TTC34: variants seen among roughly 807,000 people sequenced by gnomAD.
TTC34 encodes the protein tetratricopeptide repeat domain 34, also known as tetratricopeptide repeat protein 34.
Under a neutral mutation model 40.7 loss-of-function variants are expected in TTC34, and 44 were observed. That is an observed-to-expected ratio of 1.08 (90% CI 0.85 to 1.39). TTC34 has a LOEUF of 1.39. Ranked by LOEUF, TTC34 falls within the 40% of genes most tolerant of loss-of-function variation. The pLI, the probability that TTC34 is intolerant of heterozygous loss-of-function variation, is 0.00. For synonymous variants in TTC34, 422 were observed against 398.6 expected, an observed-to-expected ratio of 1.06 and a Z score of -0.70; for missense variants, 884 against 838.0, an observed-to-expected ratio of 1.05 and a Z score of -0.68.
At chr1:2,758,244 A>G (rs1641571290) in intron 6 of TTC34, among the ~76,000 whole-genome samples, 1 of 141,258 alleles carries the variant, frequency 7.1e-6, no homozygotes, top group Non-Finnish European at 1.5e-5. Context: ...CCCCCAGGCG[A>G]GCATCTGACA....
In TTC34 at chr1:2,637,548, G is replaced by A. The variant is rs942684617; in HGVS notation, c.*3820C>T. ...ACAGTGTTGTTGGGGGAGCTTCACA[G>A]TTAACCAAGCCATCCCCCATGCTGG... On this transcript the variant is annotated 3_prime_UTR_variant, in exon 9 of 9. Transcript: ENST00000401095. 3 of 152,250 alleles carry A rather than the reference G, an allele frequency of 2.0e-5. No homozygotes were observed. In the East Asian group the frequency reaches 5.8e-4, roughly 29 times the overall value. The allele number at this position is 152,250 out of a possible 1,614,324, so 9.4% of individuals were successfully genotyped here. A position where few individuals can be genotyped will look rare whatever the true frequency, so the allele number is the denominator to read the frequency against.
chr1:2,675,214 T>A (rs1297795394), intron 6 of TTC34, among the ~76,000 whole-genome samples: 6 of 128,382 alleles, frequency 4.7e-5, no homozygotes, highest in African/African-American at 1.1e-4. Flanking sequence ...CAGGTGAGCA[T>A]CTGAGAGCCT....
At chr1:2,692,343 CA>C (rs1322527128) in intron 6 of TTC34, among the ~76,000 whole-genome samples, 1 of 71,330 alleles carries the variant, frequency 1.4e-5, no homozygotes. Context: ...AGCGCCCACA[CA>C]CCGAGGTGAG....
exon 5 of TTC34, chr1:2,785,900 G>T: frequency 6.5e-7 from 1 of 1,536,968 alleles, no homozygotes; most frequent in Non-Finnish European, 8.8e-7. Context: ...GGCCGTGCCC[G>T]CAGGATGGCC....
chr1:2,751,045 A>C (rs1312378253), intron 6 of TTC34, among the ~76,000 whole-genome samples: 1 of 90,454 alleles, frequency 1.1e-5, no homozygotes, highest in Non-Finnish European at 2.2e-5. Context: ...CAGAACCCAC[A>C]CCCCCAGGTG....
chr1:2,639,945 G>A (rs1638868035), exon 9 of TTC34: 1 of 152,346 alleles, frequency 6.6e-6, no homozygotes, highest in African/African-American at 2.4e-5. Context: ...GCCGCCTGGG[G>A]GCCCCACTTC....
intron 6 of TTC34, among the ~76,000 whole-genome samples, chr1:2,690,771 G>A (rs368881674): frequency 1.3e-5 from 1 of 74,284 alleles, no homozygotes; most frequent in Non-Finnish European, 3.1e-5. Context: ...GCCTGGAACA[G>A]CAACCACACC....
At chr1:2,652,463 CAG>C (rs1639176704) in intron 6 of TTC34, among the ~76,000 whole-genome samples, 8 of 86,820 alleles carry the variant, frequency 9.2e-5, no homozygotes, top group Admixed American at 1.2e-4. Flanking sequence ...GAGCATCCGA[CAG>C]CCTGGAGCAG....
intron 8 of TTC34, among the ~76,000 whole-genome samples, chr1:2,643,314 T>C (rs1194672698): frequency 6.6e-6 from 1 of 152,196 alleles, no homozygotes; most frequent in Non-Finnish European, 1.5e-5. Flanking sequence ...CCATTTCGCG[T>C]CCTGCAGATT....
chr1:2,786,692 G>T (rs993973794), intron 4 of TTC34, among the ~76,000 whole-genome samples: 120 of 152,304 alleles, frequency 7.9e-4, no homozygotes, highest in African/African-American at 2.6e-3. Context: ...TTCAGACGAC[G>T]CGGAGCAAAA....
chr1:2,657,483 A>C (rs1168086426), intron 6 of TTC34, among the ~76,000 whole-genome samples: 2 of 72,980 alleles, frequency 2.7e-5, no homozygotes, highest in East Asian at 3.2e-4. Flanking sequence ...ATCTGACCGA[A>C]CGGAGCAGCA....
intron 6 of TTC34, among the ~76,000 whole-genome samples, chr1:2,651,975 C>T (rs1327147380): frequency 1.3e-5 from 2 of 151,138 alleles, no homozygotes; most frequent in Admixed American, 1.3e-4. Context: ...TCTAAGTGAG[C>T]ATCTGATGGT....
Position 2,645,196 on chromosome 1 carries a change from T to G in TTC34, c.2497+97A>C, listed in dbSNP as rs566909535. The G allele has an allele frequency of 1.7e-3, 2,193 of 1,326,668 alleles. 4 individuals carry two copies. The highest frequency in any genetic ancestry group is 3.0e-3 in the Admixed American group (91 of 30,154). 82.2% of individuals were successfully genotyped at this position (1,326,668 alleles called of 1,614,324 possible). A position where few individuals can be genotyped will look rare whatever the true frequency, so the allele number is the denominator to read the frequency against. On this transcript the variant is annotated intron_variant, in intron 7 of 8. Transcript: ENST00000401095. The surrounding 1 kb of genome is among the most constrained non-coding windows in gnomAD (Gnocchi z 4.7). ...ACCTTGGAAGCTGTTGTGGTCCGGG[T>G]CTCTTTCTTCCATTTTTACAGAACA...
intron 6 of TTC34, among the ~76,000 whole-genome samples, chr1:2,699,669 T>TCC (rs1491300821): frequency 0.016 from 893 of 56,022 alleles, 102 homozygotes; most frequent in Non-Finnish European, 0.032. Context: ...GGTGAGCATC[T>TCC]GACAGCCTGG....
Position 2,787,669 on chromosome 1 carries a change from T to A in TTC34, c.1666A>T (p.Met556Leu), listed in dbSNP as rs1452337454. Residue 556 changes from methionine to leucine, a missense_variant, in exon 4 of 9, where the codon ATG (methionine) becomes TTG (leucine). Met to Leu is a conservative substitution (Grantham distance 15, BLOSUM62 2). Transcript: ENST00000401095. ...GCCTCGTCCTCTGAATCCAGCTCCA[T>A]CAGCAGTGTGGCCAGCTGGTGCACG... 1.3e-6 allele frequency: 2 copies of A among 1,548,890 alleles called. No homozygotes were observed. Among genetic ancestry groups the A allele is most frequent in the African/African-American group, 2.7e-5 (2 of 73,050 alleles).
exon 9 of TTC34, chr1:2,639,826 C>CA (rs1638865640): frequency 6.6e-6 from 1 of 152,486 alleles, no homozygotes; most frequent in African/African-American, 2.4e-5. Context: ...ACCCTTTACC[C>CA]AGACCCCTGT....
intron 6 of TTC34, among the ~76,000 whole-genome samples, chr1:2,686,747 G>T (rs1232038192): frequency 6.7e-6 from 1 of 148,712 alleles, no homozygotes; most frequent in African/African-American, 2.5e-5. Flanking sequence ...CTGACAGCCT[G>T]GAACGGCACC....
chr1:2,674,879 AGC>A (rs1639838187), intron 6 of TTC34, among the ~76,000 whole-genome samples: 3 of 111,320 alleles, frequency 2.7e-5, no homozygotes, highest in Non-Finnish European at 6.3e-5. Context: ...CAGCGCCCAC[AGC>A]CACAGGCGAG....
intron 6 of TTC34, among the ~76,000 whole-genome samples, chr1:2,764,204 C>G (rs1467782615): frequency 2.0e-5 from 3 of 149,578 alleles, no homozygotes; most frequent in Non-Finnish European, 3.0e-5. Flanking sequence ...ATCTGACAGT[C>G]TGGAACAGCA....
Sources: gnomAD v4.1 joint callset for allele counts (sites outside exome capture counted in the v4.1 genomes callset) on GRCh38, gnomAD v4.1.1 for gene constraint, Gnocchi (gnomAD v3.1) non-coding constraint, MANE v1.5 for transcripts, NCBI Gene and HGNC (gene_info 2026-07-23, HGNC 2026-07-21) for gene names.